Variants in EPAS1 observed in about 807,000 individuals in gnomAD.
EPAS1 encodes the protein endothelial PAS domain-containing protein 1.
A neutral mutation model predicts 87.9 loss-of-function variants in EPAS1; 23 were observed. The ratio of observed to expected loss-of-function variants is 0.26; its 90% CI spans 0.19 to 0.37. The LOEUF (loss-of-function observed/expected upper bound fraction) is 0.37. EPAS1 is among the 10% of genes least tolerant of loss of function. The probability of loss-of-function intolerance (pLI) is 1.00; values close to 1 mark genes in which losing one functional copy is unlikely to be tolerated. For missense variants in EPAS1, 1,138 were observed against 1,120.7 expected, an observed-to-expected ratio of 1.02 and a Z score of -0.22; for synonymous variants, 508 against 444.3, an observed-to-expected ratio of 1.14 and a Z score of -1.80.
chr2:46,374,587 G>A (rs1684697521), intron 7 of EPAS1, among the ~76,000 whole-genome samples: 1 of 152,060 alleles, frequency 6.6e-6, no homozygotes, highest in African/African-American at 2.4e-5. Flanking sequence ...AACCAAGAAG[G>A]ATTGTTCCTT....
intron 1 of EPAS1, among the ~76,000 whole-genome samples, chr2:46,298,931 TG>T (rs1682940604): frequency 6.6e-6 from 1 of 152,296 alleles, no homozygotes; most frequent in Admixed American, 6.5e-5. Context: ...GCGGCCCCAG[TG>T]GCCTGGAGCT....
At position 46,378,637 on chromosome 2, in the gene EPAS1, C is replaced by T. The variant is rs1390207728; in HGVS notation, c.1444-20C>T. ...CAGTGCCATATCTTTGACTCTGTCC[C>T]CCTCCTTCCTGGCCCCTAGCCCAAT... On this transcript the variant is annotated intron_variant, in intron 10 of 15. Transcript: ENST00000263734. 1.2e-6 allele frequency: 2 copies of T among 1,605,844 alleles called. No individual in the cohort carries two copies. Among genetic ancestry groups the T allele is most frequent in the Non-Finnish European group, 1.7e-6 (2 of 1,172,556 alleles).
chr2:46,356,213 G>A lies in EPAS1; in HGVS notation c.280G>A (p.Ala94Thr). The stretch of plus-strand genomic sequence containing the variant: ...GCAGATGGACAACTTGTACCTGAAA[G>A]CCTTGGAGGGTTTCATTGCCGTGGT... The part of the protein sequence containing the change: ...DQQMDNLYLK[A>T]LEGFIAVVTQ... Residue 94 changes from alanine (A) to threonine (T), a missense_variant, in exon 3 of 16, where the codon GCC (alanine) becomes ACC (threonine). By Grantham distance (58) the Ala-to-Thr change is moderately conservative (BLOSUM62 0). Transcript: ENST00000263734. The A allele has an allele frequency of 1.3e-6, 2 of 1,589,026 alleles. No homozygotes were observed. Among genetic ancestry groups the A allele is most frequent in the African/African-American group, 2.7e-5 (2 of 73,168 alleles).
chr2:46,329,579 T>C (rs986357425), intron 1 of EPAS1, among the ~76,000 whole-genome samples: 1 of 152,098 alleles, frequency 6.6e-6, no homozygotes, highest in Middle Eastern at 3.4e-3. Flanking sequence ...ATCCCAGCAC[T>C]TTAGGAGGCC....
At chr2:46,378,216 G>A (rs893579274) in intron 10 of EPAS1, 129 bp downstream of exon 10, 20 of 1,445,812 alleles carry the variant, frequency 1.4e-5, no homozygotes, top group Admixed American at 7.4e-5. Flanking sequence ...TAGAGTGGCC[G>A]TGACACTTAC....
chr2:46,321,241 C>A (rs1404047980), intron 1 of EPAS1, among the ~76,000 whole-genome samples: 1 of 152,222 alleles, frequency 6.6e-6, no homozygotes, highest in Non-Finnish European at 1.5e-5. Context: ...CGAATAATAT[C>A]CTATTGTGTG....
chr2:46,356,716 T>C lies in EPAS1; in HGVS notation c.370-8T>C, dbSNP rs757929699. ...GAATAATGATGCCTAACCTTGTTTTTGAAACAGGTGGAGCTAACAGGACAT... is the reference window on the plus strand; with the variant it reads ...GAATAATGATGCCTAACCTTGTTTTCGAAACAGGTGGAGCTAACAGGACAT... On this transcript the variant is annotated splice_region_variant and splice_polypyrimidine_tract_variant and intron_variant, in intron 3 of 15. Coordinates refer to ENST00000263734, the MANE Select transcript of EPAS1 (RefSeq NM_001430.5). 6.2e-7 allele frequency: 1 copy of C among 1,609,880 alleles called. No homozygotes were observed. Among genetic ancestry groups the C allele is most frequent in the East Asian group, 2.2e-5 (1 of 44,870 alleles).
chr2:46,358,002 C>G (rs1429530861), intron 4 of EPAS1, among the ~76,000 whole-genome samples: 1 of 152,202 alleles, frequency 6.6e-6, no homozygotes, highest in Non-Finnish European at 1.5e-5. Context: ...TGGGGAGATT[C>G]TGTGCATGTC....
intron 6 of EPAS1, among the ~76,000 whole-genome samples, chr2:46,364,792 C>T (rs763622291): frequency 6.6e-6 from 1 of 152,124 alleles, no homozygotes; most frequent in Non-Finnish European, 1.5e-5. Flanking sequence ...CAAACATAGG[C>T]AATATACTCT....
rs780349023 is a variant in EPAS1, at chr2:46,360,898, C to G, written c.587C>G (p.Thr196Arg). Residue 196 changes from threonine (T) to arginine (R), a missense_variant, in exon 6 of 16, where the codon ACG becomes AGG. Coordinates refer to ENST00000263734, the MANE Select transcript of EPAS1 (RefSeq NM_001430.5). The surrounding 1 kb of genome is among the most constrained non-coding windows in gnomAD (Gnocchi z 4.5). ...KSATWKVLHC[T>R]GQVKVYNNCP... The stretch of plus-strand genomic sequence containing the variant: ...CGCCTGTCTCAGGTCTTGCACTGCA[C>G]GGGCCAGGTGAAAGTCTACAACAAC... 1 of 1,614,172 alleles carries G rather than the reference C, an allele frequency of 6.2e-7. No individual in the cohort carries two copies. Among genetic ancestry groups the G allele is most frequent in the East Asian group, 2.2e-5 (1 of 44,882 alleles).
intron 1 of EPAS1, among the ~76,000 whole-genome samples, chr2:46,314,893 G>A (rs894038410): frequency 2.6e-5 from 4 of 152,180 alleles, no homozygotes; most frequent in Admixed American, 6.5e-5. Context: ...ACGAGAAGGT[G>A]GGCTGCCCAG....
rs758765461 is a variant in EPAS1, at chr2:46,356,134, C to A, written c.218-17C>A. The A allele has an allele frequency of 1.3e-5, 12 of 899,756 alleles. No homozygotes were observed. Among genetic ancestry groups the A allele is most frequent in the Non-Finnish European group, 1.9e-5 (12 of 628,742 alleles). 55.7% of individuals were successfully genotyped at this position (899,756 alleles called of 1,614,324 possible). On this transcript the variant is annotated splice_polypyrimidine_tract_variant and intron_variant, in intron 2 of 15. Transcript: ENST00000263734. ...CTCCACATTCATGCAAGCTGTCCCA[C>A]CCCCCCCCCTTTCCAGTTTGCTCTG...
intron 1 of EPAS1, among the ~76,000 whole-genome samples, chr2:46,326,042 A>T (rs991619026): frequency 2.0e-5 from 3 of 152,208 alleles, no homozygotes; most frequent in Admixed American, 1.3e-4. Flanking sequence ...TATTTGAGAA[A>T]ACAGTGACAT....
At position 46,384,913 on chromosome 2, in the gene EPAS1, C is replaced by A; in HGVS notation, c.*253C>A. On this transcript the variant is annotated 3_prime_UTR_variant, in exon 16 of 16. Transcript: ENST00000263734. ...TAAATTTTGTAGGATTTTTTTCCTC[C>A]CCACCTTCAATGACTTCTAATTTAT... 1.9e-6 allele frequency: 1 copy of A among 532,406 alleles called. No homozygotes were observed. The highest frequency in any genetic ancestry group is 5.2e-4 in the Middle Eastern group (1 of 1,920). 33.0% of individuals were successfully genotyped at this position (532,406 alleles called of 1,614,324 possible). A position where few individuals can be genotyped will look rare whatever the true frequency, so the allele number is the denominator to read the frequency against.
chr2:46,370,614 G>T (rs2103653836), intron 7 of EPAS1, among the ~76,000 whole-genome samples: 1 of 152,356 alleles, frequency 6.6e-6, no homozygotes, highest in East Asian at 1.9e-4. Flanking sequence ...GAAGAGGGCT[G>T]CCACATAGAA....
At position 46,347,726 on chromosome 2, in the gene EPAS1, A is replaced by G. The variant is rs1379616634; in HGVS notation, c.217+663A>G. ...CCTCCCTAGCACCTCTGCAACTCCA[A>G]AGTTCACAAGACATTTGCTTTTTCT... is the stretch of plus-strand genomic sequence containing the variant. On this transcript the variant is annotated intron_variant, in intron 2 of 15. Transcript: ENST00000263734. The surrounding 1 kb of genome is among the most constrained non-coding windows in gnomAD (Gnocchi z 4.2). Among the ~76,000 whole-genome samples, 3 of 152,156 alleles carry G rather than the reference A, an allele frequency of 2.0e-5. No homozygotes were observed. In the East Asian group the frequency reaches 5.8e-4, roughly 29 times the overall value.
intron 1 of EPAS1, among the ~76,000 whole-genome samples, chr2:46,334,878 C>G (rs1683756747): frequency 6.6e-6 from 1 of 152,196 alleles, no homozygotes; most frequent in Non-Finnish European, 1.5e-5. Flanking sequence ...CATCTCACTT[C>G]TCATCAGAGC....
Position 46,375,675 on chromosome 2 carries a change from T to C in EPAS1, c.887-15T>C, listed in dbSNP as rs569276971. 10 of 1,613,410 alleles carry C rather than the reference T, an allele frequency of 6.2e-6. No homozygotes were observed. In the East Asian group the frequency reaches 2.2e-4, roughly 36 times the overall value. ...CCCCACCTCCCTAAGCTCAGCTCTG[T>C]TTCTCCTCCCCTAGTGTGCACCAAG... On this transcript the variant is annotated splice_polypyrimidine_tract_variant and intron_variant, in intron 7 of 15. Transcript: ENST00000263734. The surrounding 1 kb of genome is among the most constrained non-coding windows in gnomAD (Gnocchi z 4.1).
At position 46,380,024 on chromosome 2, in the gene EPAS1, G is replaced by A; in HGVS notation, c.1555-203G>A. 1.3e-6 allele frequency: 1 copy of A among 761,530 alleles called. No homozygotes were observed. Among genetic ancestry groups the A allele is most frequent in the Non-Finnish European group, 2.3e-6 (1 of 441,934 alleles). The allele number at this position is 761,530 out of a possible 1,614,324, so 47.2% of individuals were successfully genotyped here. ...TGAAGAGGGGATAAACATGGGGGAA[G>A]GCTGGTACATGATACAAGGTCGTGT... On this transcript the variant is annotated intron_variant, in intron 11 of 15. Transcript: ENST00000263734. This position sits in a 1 kb window ranked among gnomAD's most constrained non-coding sequence, Gnocchi z 4.4.
Sources: gnomAD v4.1 joint callset for allele counts (sites outside exome capture counted in the v4.1 genomes callset) on GRCh38, gnomAD v4.1.1 for gene constraint, Gnocchi (gnomAD v3.1) non-coding constraint, MANE v1.5 for transcripts, NCBI Gene and HGNC (gene_info 2026-07-23, HGNC 2026-07-21) for gene names.